DIAPH1: variants seen among roughly 807,000 people sequenced by gnomAD.
The protein encoded by DIAPH1 is protein diaphanous homolog 1.
DIAPH1 carries 46 observed loss-of-function variants against 140.7 expected under a neutral mutation model. The observed-to-expected ratio is 0.33, with a 90% confidence interval of 0.26 to 0.42. The LOEUF is 0.42. Ranked by LOEUF, DIAPH1 falls within the 10% of genes least tolerant of loss-of-function variation. DIAPH1 has a pLI of 1.00. For missense variants in DIAPH1, 1,310 were observed against 1,558.7 expected, an observed-to-expected ratio of 0.84 and a Z score of 2.69; for synonymous variants, 565 against 551.6, an observed-to-expected ratio of 1.02 and a Z score of -0.34.
chr5:141,538,135 A>G (rs1191240356), intron 18 of DIAPH1, among the ~76,000 whole-genome samples: 8 of 150,084 alleles, frequency 5.3e-5, no homozygotes. Flanking sequence ...ATCTTGGCTC[A>G]CTGCAAGCTC....
At chr5:141,588,350 A>T in intron 1 of DIAPH1, 100 bp from the exon 2 acceptor site, 3 of 848,214 alleles carry the variant, frequency 3.5e-6, no homozygotes, top group Non-Finnish European at 4.0e-6. Context: ...GAGGGAGAGA[A>T]GTTGAAAGGA....
At chr5:141,597,709 A>C (rs140352545) in intron 1 of DIAPH1, among the ~76,000 whole-genome samples, 1 of 152,284 alleles carries the variant, frequency 6.6e-6, no homozygotes, top group Non-Finnish European at 1.5e-5. Flanking sequence ...CATCACCATC[A>C]TCTGCTTTTG....
At chr5:141,519,631 T>G (rs1238634484) in intron 27 of DIAPH1, among the ~76,000 whole-genome samples, 1 of 152,218 alleles carries the variant, frequency 6.6e-6, no homozygotes, top group East Asian at 1.9e-4. Context: ...ATTACAAACT[T>G]CATAAGAACC....
rs1307134378 is a variant in DIAPH1, at chr5:141,529,174, C to G, written c.2776G>C (p.Val926Leu). The change falls in exon 21 of 28, where the codon GTG (valine) becomes CTG (leucine). Residue 926 changes from valine (V) to leucine (L), a missense_variant and splice_region_variant. By Grantham distance (32) the Val-to-Leu change is conservative. This residue lies in a region of DIAPH1 where 344 missense variants were observed against 512.2 expected (regional missense o/e 0.67). Coordinates refer to ENST00000389054, the MANE Select transcript of DIAPH1 (RefSeq NM_005219.5). ...TTACTGCCACAGGCCTCACTCACCA[C>G]CACGCCAAACTGCTCTGACTCAGCC... The part of the protein sequence containing the change: ...DLAESEQFGV[V>L]MGTVPRLRPR... The G allele has an allele frequency of 6.2e-7, 1 of 1,613,964 alleles. No individual in the cohort carries two copies.
rs1251736510 is a variant in DIAPH1, at chr5:141,526,138, T to G, written c.3474A>C (p.Thr1158=). 2 of 1,614,160 alleles carry G rather than the reference T, an allele frequency of 1.2e-6. No individual in the cohort carries two copies. Among genetic ancestry groups the G allele is most frequent in the Admixed American group, 3.3e-5 (2 of 60,022 alleles). Reference sequence around the variant, plus strand: ...GTTTTGCTCGCCTCATCTTTTCTTCTGTCTCCCGCCGCTTCTGGTTCTCCT... The same window carrying G: ...GTTTTGCTCGCCTCATCTTTTCTTCGGTCTCCCGCCGCTTCTGGTTCTCCT... The part of the protein sequence containing the change: ...AVKENQKRRE[T]EEKMRRAKLA... The change falls in exon 26 of 28, where the codon ACA becomes ACC. Residue 1158 remains threonine, a synonymous_variant. Transcript: ENST00000389054.
At position 141,557,040 on chromosome 5, in the gene DIAPH1, A is replaced by C. The variant is rs553542755; in HGVS notation, c.2482+14388T>G. ...TAAGTCTATAAATAAATTGCAAAAT[A>C]AAAAATAAAAAAGAGCATAAGAGAG... On this transcript the variant is annotated intron_variant, in intron 18 of 27. Transcript: ENST00000389054. Among the ~76,000 whole-genome samples the C allele has an allele frequency of 9.5e-4, 144 of 152,334 alleles. 1 individual carries two copies. The highest frequency in any genetic ancestry group is 3.3e-3 in the African/African-American group (137 of 41,580).
chr5:141,532,662 C>G (rs2099888410), intron 19 of DIAPH1, among the ~76,000 whole-genome samples: 1 of 152,176 alleles, frequency 6.6e-6, no homozygotes, highest in South Asian at 2.1e-4. Flanking sequence ...CTGTCTTTAC[C>G]AAATACGTGG....
In DIAPH1 at chr5:141,573,996, TGGAGGAGGAGGAGGA is replaced by T. The variant is rs3075570; in HGVS notation, c.1839_1853del (p.Pro616_Pro620del). The T allele has an allele frequency of 2.8e-5, 43 of 1,511,878 alleles. 1 individual carries two copies. In the South Asian group the frequency reaches 2.9e-4, roughly 10 times the overall value. 93.7% of individuals were successfully genotyped at this position (1,511,878 alleles called of 1,614,324 possible). ...TGCAAACACCCCCAGGCAAAGGAGG[TGGAGGAGGAGGAGGA>T]GGAGGAGGAGGAGGAGGAGTGGTAC... On this transcript the variant is annotated inframe_deletion, in exon 16 of 28. Coordinates refer to ENST00000389054, the MANE Select transcript of DIAPH1 (RefSeq NM_005219.5).
intron 4 of DIAPH1, 88 bp downstream of exon 4, chr5:141,584,036 A>G: frequency 1.3e-6 from 1 of 773,338 alleles, no homozygotes; most frequent in Non-Finnish European, 2.3e-6. Flanking sequence ...ATGCAGACAT[A>G]AAATGTTACA....
At chr5:141,616,544 C>T (rs1417993022) in intron 1 of DIAPH1, among the ~76,000 whole-genome samples, 10 of 152,176 alleles carry the variant, frequency 6.6e-5, no homozygotes, top group Non-Finnish European at 1.5e-4. Context: ...CACCCACCCA[C>T]GTATACATAC....
intron 1 of DIAPH1, among the ~76,000 whole-genome samples, chr5:141,607,944 C>T (rs1259343973): frequency 1.3e-5 from 2 of 152,232 alleles, no homozygotes; most frequent in South Asian, 4.1e-4. Context: ...CATAATAACC[C>T]CCTAATTTTA....
chr5:141,516,862 G>A lies in DIAPH1; in HGVS notation c.3808C>T (p.Arg1270Cys), dbSNP rs758272814. The change falls in exon 28 of 28, where the codon CGT becomes TGT. Residue 1270 changes from arginine (R) to cysteine (C), a missense_variant. Arg to Cys is a radical substitution (Grantham distance 180). Transcript: ENST00000389054. ...ILEEAKELVG[R>C]AS ...TCACAGGACCCACATTAGCTTGCAC[G>A]GCCAACCAACTCCTTGGCTTCCTCA... 6.8e-6 allele frequency: 11 copies of A among 1,614,034 alleles called. No individual in the cohort carries two copies. The highest frequency in any genetic ancestry group is 6.7e-5 in the East Asian group (3 of 44,900).
intron 4 of DIAPH1, 98 bp from the exon 5 acceptor site, chr5:141,583,713 T>G (rs1367693745): frequency 2.6e-6 from 4 of 1,536,466 alleles, no homozygotes. Flanking sequence ...TTTTTATTTT[T>G]TATTTTTAGC....
intron 18 of DIAPH1, among the ~76,000 whole-genome samples, chr5:141,546,958 C>T (rs1023488261): frequency 2.6e-5 from 4 of 152,216 alleles, no homozygotes; most frequent in Non-Finnish European, 5.9e-5. Flanking sequence ...TATGCAATGC[C>T]TGGGCATTTA....
chr5:141,556,741 G>C (rs2099892652), intron 18 of DIAPH1, among the ~76,000 whole-genome samples: 1 of 152,124 alleles, frequency 6.6e-6, no homozygotes, highest in African/African-American at 2.4e-5. Context: ...ACCCAGGCTT[G>C]AGTGCAGTGG....
intron 18 of DIAPH1, chr5:141,563,902 T>G (rs2099893971): frequency 6.6e-6 from 1 of 152,226 alleles, no homozygotes; most frequent in South Asian, 2.1e-4. Flanking sequence ...AGAAATGGAT[T>G]CAGTATGTTA....
intron 1 of DIAPH1, among the ~76,000 whole-genome samples, chr5:141,611,816 C>T (rs1184944153): frequency 6.6e-6 from 1 of 152,200 alleles, no homozygotes; most frequent in Non-Finnish European, 1.5e-5. Context: ...CCTGTAATCC[C>T]AGCACTTTGG....
At chr5:141,519,117 G>A in intron 27 of DIAPH1, 1 of 915,890 alleles carries the variant, frequency 1.1e-6, no homozygotes, top group African/African-American at 1.6e-5. Context: ...ATTGGATTAT[G>A]AACATAAACT....
intron 18 of DIAPH1, chr5:141,560,526 A>C (rs932363983): frequency 6.1e-6 from 1 of 163,508 alleles, no homozygotes; most frequent in Non-Finnish European, 1.3e-5. Context: ...TATGGAAATA[A>C]TGTTTTGATA....
Sources: allele counts gnomAD v4.1 joint callset (sites outside exome capture counted in the v4.1 genomes callset), GRCh38; gene constraint gnomAD v4.1.1; regional missense constraint gnomAD v4.1.1; transcripts MANE v1.5; gene names NCBI Gene and HGNC (gene_info 2026-07-23, HGNC 2026-07-21).